DPYSL3: variants seen among roughly 807,000 people sequenced by gnomAD.
DPYSL3 encodes the protein dihydropyrimidinase-related protein 3.
DPYSL3 carries 16 observed loss-of-function variants against 66.1 expected under a neutral mutation model. That is an observed-to-expected ratio of 0.24 (90% CI 0.16 to 0.37). DPYSL3 has a LOEUF of 0.37. Among genes scored for constraint, DPYSL3 ranks in the 10% least tolerant of loss-of-function variants. The pLI is 1.00. For missense variants in DPYSL3, 738 were observed against 916.2 expected (o/e 0.81, Z 2.51); for synonymous variants, 338 against 345.1 (o/e 0.98, Z 0.23).
intron 11 of DPYSL3, 43 bp downstream of exon 11, chr5:147,399,039 T>A (rs1461542160): frequency 6.3e-7 from 1 of 1,597,998 alleles, no homozygotes; most frequent in African/African-American, 1.3e-5. Context: ...GTTCCTTGCA[T>A]GCATTCTCCA....
chr5:147,454,533 C>A (rs535417929), intron 1 of DPYSL3, among the ~76,000 whole-genome samples: 5 of 152,336 alleles, frequency 3.3e-5, no homozygotes, highest in African/African-American at 1.2e-4. Context: ...ACTCCACTGC[C>A]TGACTGAGTC....
chr5:147,412,642 T>A lies in DPYSL3; in HGVS notation c.929A>T (p.Gln310Leu), dbSNP rs1561777845. ...GATATCCCCATTCTCAGCATGAACT[T>A]GAGCAATGGCCCCCAGCTCTCCCAG... is the stretch of plus-strand genomic sequence containing the variant. ...TCLGELGAIA[Q>L]VHAENGDIIA... is the part of the protein sequence containing the mutation. The change falls in exon 6 of 14, where the codon CAA (glutamine) becomes CTA (leucine). Residue 310 changes from glutamine to leucine, a missense_variant. Transcript: ENST00000343218. The A allele has an allele frequency of 6.2e-7, 1 of 1,613,148 alleles. No individual in the cohort carries two copies. The highest frequency in any genetic ancestry group is 2.2e-5 in the East Asian group (1 of 44,860).
At chr5:147,425,036 C>A in intron 1 of DPYSL3, 73 bp from the exon 2 acceptor site, 2 of 1,206,898 alleles carry the variant, frequency 1.7e-6, no homozygotes, top group Non-Finnish European at 1.2e-6. Context: ...CAAGGTTTTC[C>A]CAATTCATTG....
At chr5:147,409,166 A>G (rs1310329841) in intron 6 of DPYSL3, among the ~76,000 whole-genome samples, 1 of 152,180 alleles carries the variant, frequency 6.6e-6, no homozygotes, top group Non-Finnish European at 1.5e-5. Flanking sequence ...ATTTCACTCA[A>G]CAAAATGTAT....
At chr5:147,420,613 G>C (rs188216711) in intron 2 of DPYSL3, among the ~76,000 whole-genome samples, 1 of 152,284 alleles carries the variant, frequency 6.6e-6, no homozygotes, top group Admixed American at 6.5e-5. Context: ...AATATTCACA[G>C]ACAGACAAAC....
chr5:147,444,691 C>T (rs1442847113), intron 1 of DPYSL3, among the ~76,000 whole-genome samples: 3 of 152,120 alleles, frequency 2.0e-5, no homozygotes, highest in Non-Finnish European at 4.4e-5. Context: ...CTGGTAAAAT[C>T]TGTGTTAACT....
rs12653560 is a variant in DPYSL3, at chr5:147,417,035, A to C, written c.656-1162T>G. Reference sequence around the variant, plus strand: ...TGTGTACAATATACAGCCAAACTCTAACAGCGATGTGGGATTAGGAGGTTT... The same window carrying C: ...TGTGTACAATATACAGCCAAACTCTCACAGCGATGTGGGATTAGGAGGTTT... On this transcript the variant is annotated intron_variant, in intron 3 of 13. Transcript: ENST00000343218. 0.014 allele frequency among the ~76,000 whole-genome samples: 2,193 copies of C among 152,312 alleles called. 122 individuals carry two copies. The East Asian group carries it at 0.19, about 13-fold the overall frequency.
In DPYSL3 at chr5:147,393,735, C is replaced by T; in HGVS notation, c.*300G>A. The T allele has an allele frequency of 2.8e-6, 1 of 352,516 alleles. No homozygotes were observed. The highest frequency in any genetic ancestry group is 5.4e-6 in the Non-Finnish European group (1 of 186,256). The allele number at this position is 352,516 out of a possible 1,614,324, so 21.8% of individuals were successfully genotyped here. A position where few individuals can be genotyped will look rare whatever the true frequency, so the allele number is the denominator to read the frequency against. ...CCCCTTGTCATAAGATGCAGCACTA[C>T]ACACGCTCTCAACACTATGATAGAG... On this transcript the variant is annotated 3_prime_UTR_variant, in exon 14 of 14. Coordinates refer to ENST00000343218, the MANE Select transcript of DPYSL3 (RefSeq NM_001197294.2).
At chr5:147,502,378 C>CACACAT (rs755042053) in intron 1 of DPYSL3, among the ~76,000 whole-genome samples, 4 of 60,492 alleles carry the variant, frequency 6.6e-5, no homozygotes, top group Admixed American at 6.0e-4. Context: ...GTCACAGATA[C>CACACAT]ACACACACAC....
intron 1 of DPYSL3, among the ~76,000 whole-genome samples, chr5:147,495,935 T>C (rs1753499774): frequency 6.6e-6 from 1 of 152,228 alleles, no homozygotes; most frequent in East Asian, 1.9e-4. Context: ...GAGCCCGCAT[T>C]GCCAAGTCAA....
intron 1 of DPYSL3, chr5:147,453,781 C>G (rs1752792564): frequency 3.1e-6 from 4 of 1,279,594 alleles, no homozygotes; most frequent in Middle Eastern, 3.0e-4. Context: ...TAAATCTCCC[C>G]GGTCCCCCTT....
chr5:147,444,122 G>C (rs1353771773), intron 1 of DPYSL3, among the ~76,000 whole-genome samples: 2 of 152,032 alleles, frequency 1.3e-5, no homozygotes. Flanking sequence ...GTGGGAGAGG[G>C]ATAAGTTATT....
At chr5:147,491,953 T>C (rs1581217036) in intron 1 of DPYSL3, among the ~76,000 whole-genome samples, 1 of 151,988 alleles carries the variant, frequency 6.6e-6, no homozygotes, top group Non-Finnish European at 1.5e-5. Context: ...GCTCAGAGAA[T>C]AGCAAGCAAG....
At chr5:147,408,353 T>C (rs1751764455) in intron 7 of DPYSL3, among the ~76,000 whole-genome samples, 1 of 152,202 alleles carries the variant, frequency 6.6e-6, no homozygotes, top group South Asian at 2.1e-4. Context: ...TTGATGAGTA[T>C]AATGTATATA....
intron 1 of DPYSL3, among the ~76,000 whole-genome samples, chr5:147,460,482 G>A (rs1168886428): frequency 6.6e-6 from 1 of 152,150 alleles, no homozygotes; most frequent in Non-Finnish European, 1.5e-5. Flanking sequence ...ACATGACAAA[G>A]GGATTTTGTG....
intron 1 of DPYSL3, chr5:147,453,744 T>C: frequency 7.6e-7 from 1 of 1,308,594 alleles, no homozygotes; most frequent in Non-Finnish European, 9.7e-7. Flanking sequence ...CCTCCCGGGC[T>C]CCCGCGGCGG....
At chr5:147,434,187 T>C (rs762926517) in intron 1 of DPYSL3, among the ~76,000 whole-genome samples, 14 of 152,242 alleles carry the variant, frequency 9.2e-5, no homozygotes, top group Non-Finnish European at 1.5e-4. Context: ...ATTACCATTT[T>C]ATACAAGCTG....
chr5:147,463,008 A>G (rs1270064064), intron 1 of DPYSL3, among the ~76,000 whole-genome samples: 1 of 152,162 alleles, frequency 6.6e-6, no homozygotes, highest in Non-Finnish European at 1.5e-5. Flanking sequence ...TCAACATGTT[A>G]TAAGAACAGG....
chr5:147,453,677 A>C, intron 1 of DPYSL3: 3 of 1,459,624 alleles, frequency 2.1e-6, no homozygotes, highest in Non-Finnish European at 2.7e-6. Flanking sequence ...GCGCCCCGAG[A>C]TCAGGTGGAG....
Sources: allele counts gnomAD v4.1 joint callset (sites outside exome capture counted in the v4.1 genomes callset), GRCh38; gene constraint gnomAD v4.1.1; transcripts MANE v1.5; gene names NCBI Gene and HGNC (gene_info 2026-07-23, HGNC 2026-07-21).